Variants in ANKS1B observed in about 807,000 individuals in gnomAD.
ANKS1B encodes ankyrin repeat and sterile alpha motif domain-containing protein 1B.
Under a neutral mutation model 148.3 loss-of-function variants are expected in ANKS1B, and 36 were observed. The ratio of observed to expected loss-of-function variants is 0.24; its 90% CI spans 0.19 to 0.32. The LOEUF is 0.32. Among genes scored for constraint, ANKS1B ranks in the 10% least tolerant of loss-of-function variants. The pLI is 1.00. For synonymous variants in ANKS1B, 542 were observed against 560.8 expected, an observed-to-expected ratio of 0.97 and a Z score of 0.47; for missense variants, 1,157 against 1,542.6, an observed-to-expected ratio of 0.75 and a Z score of 4.19.
intron 14 of ANKS1B, among the ~76,000 whole-genome samples, chr12:99,192,916 T>C (rs2080923394): frequency 6.6e-6 from 1 of 152,124 alleles, no homozygotes; most frequent in African/African-American, 2.4e-5. Context: ...TATATAATAA[T>C]AACTTATGCT....
chr12:99,962,612 G>A (rs61941600), intron 1 of ANKS1B, among the ~76,000 whole-genome samples: 1 of 152,094 alleles, frequency 6.6e-6, no homozygotes, highest in Non-Finnish European at 1.5e-5. Context: ...CTAGATCCTT[G>A]AGGAATCACC....
intron 12 of ANKS1B, among the ~76,000 whole-genome samples, chr12:99,250,652 G>A (rs2074463812): frequency 6.6e-6 from 1 of 152,116 alleles, no homozygotes; most frequent in South Asian, 2.1e-4. Context: ...AGGATCATGA[G>A]CAATATTAAT....
intron 12 of ANKS1B, among the ~76,000 whole-genome samples, chr12:99,323,935 C>T (rs2085809951): frequency 6.6e-6 from 1 of 152,082 alleles, no homozygotes; most frequent in Non-Finnish European, 1.5e-5. Flanking sequence ...CCTCATTTAT[C>T]TCATTTGTTT....
intron 12 of ANKS1B, among the ~76,000 whole-genome samples, chr12:99,378,604 G>A (rs1249517902): frequency 7.0e-6 from 1 of 142,570 alleles, no homozygotes; most frequent in Non-Finnish European, 1.5e-5. Context: ...GCAGTGAGCC[G>A]AGATCACGCA....
chr12:99,904,582 C>G (rs1321623475), intron 1 of ANKS1B, among the ~76,000 whole-genome samples: 2 of 152,144 alleles, frequency 1.3e-5, no homozygotes, highest in Non-Finnish European at 2.9e-5. Flanking sequence ...CACCTATTTC[C>G]CTACTTGAGT....
chr12:99,046,995 A>C (rs1364459719), intron 17 of ANKS1B, among the ~76,000 whole-genome samples: 1 of 152,034 alleles, frequency 6.6e-6, no homozygotes, highest in Non-Finnish European at 1.5e-5. Flanking sequence ...GAGAGAAAAA[A>C]GACTGAAAAA....
intron 9 of ANKS1B, chr12:99,649,376 G>A (rs2098403270): frequency 1.2e-6 from 2 of 1,613,852 alleles, no homozygotes; most frequent in African/African-American, 2.7e-5. Flanking sequence ...TCCACCTATT[G>A]TGATTATACA....
chr12:99,181,880 T>C (rs147589407), intron 14 of ANKS1B, among the ~76,000 whole-genome samples: 79 of 152,192 alleles, frequency 5.2e-4, no homozygotes, highest in African/African-American at 1.8e-3. Flanking sequence ...AGTTACCCTG[T>C]TGTACTATCA....
At chr12:98,747,221 CA>C (rs1375263938) in intron 26 of ANKS1B, among the ~76,000 whole-genome samples, 1 of 151,702 alleles carries the variant, frequency 6.6e-6, no homozygotes, top group Non-Finnish European at 1.5e-5. Context: ...AACTCAATAG[CA>C]AAAAACAAAA....
chr12:99,577,738 A>G (rs1229921711), intron 9 of ANKS1B, among the ~76,000 whole-genome samples: 3 of 151,940 alleles, frequency 2.0e-5, no homozygotes, highest in African/African-American at 7.2e-5. Flanking sequence ...AAAAATAATA[A>G]ACCCTACCAA....
chr12:99,250,838 A>G (rs953227313), intron 12 of ANKS1B, among the ~76,000 whole-genome samples: 3 of 152,240 alleles, frequency 2.0e-5, no homozygotes, highest in African/African-American at 7.2e-5. Context: ...GAAATCATAG[A>G]ATAATAAATG....
At chr12:98,794,018 C>T (rs2098920528) in intron 22 of ANKS1B, among the ~76,000 whole-genome samples, 1 of 152,114 alleles carries the variant, frequency 6.6e-6, no homozygotes, top group African/African-American at 2.4e-5. Context: ...AACATAACAA[C>T]AACAACAAAC....
At chr12:99,866,885 C>T (rs1051249927) in intron 1 of ANKS1B, among the ~76,000 whole-genome samples, 2 of 152,044 alleles carry the variant, frequency 1.3e-5, no homozygotes, top group Non-Finnish European at 2.9e-5. Context: ...TCCTTGATTC[C>T]AACATCTCCA....
chr12:99,551,426 T>G (rs760831336), intron 9 of ANKS1B, among the ~76,000 whole-genome samples: 1 of 151,908 alleles, frequency 6.6e-6, no homozygotes, highest in South Asian at 2.1e-4. Context: ...ACTATGGAAC[T>G]ATGATCTCCA....
intron 15 of ANKS1B, among the ~76,000 whole-genome samples, chr12:99,117,660 T>G (rs1453579651): frequency 6.6e-6 from 1 of 152,218 alleles, no homozygotes; most frequent in East Asian, 1.9e-4. Flanking sequence ...GAAATTTTAT[T>G]TTCTTGTTGG....
intron 8 of ANKS1B, among the ~76,000 whole-genome samples, chr12:99,704,571 T>TACAC (rs57979625): frequency 6.6e-6 from 1 of 150,850 alleles, no homozygotes; most frequent in Non-Finnish European, 1.5e-5. Context: ...CACATACATA[T>TACAC]ACACACACAC....
intron 4 of ANKS1B, among the ~76,000 whole-genome samples, chr12:99,796,102 TA>T (rs1481343943): frequency 5.9e-5 from 9 of 151,944 alleles, no homozygotes; most frequent in Non-Finnish European, 8.8e-5. Context: ...CATTATTAAG[TA>T]AAATATGGGT....
At chr12:98,943,274 T>C (rs1567921224) in intron 17 of ANKS1B, among the ~76,000 whole-genome samples, 1 of 152,238 alleles carries the variant, frequency 6.6e-6, no homozygotes, top group African/African-American at 2.4e-5. Flanking sequence ...TCTGAGGATG[T>C]TCCAAACTCA....
intron 14 of ANKS1B, among the ~76,000 whole-genome samples, chr12:99,171,442 A>G (rs1420185810): frequency 6.6e-6 from 1 of 152,226 alleles, no homozygotes; most frequent in Non-Finnish European, 1.5e-5. Context: ...CTATAGGTCA[A>G]CAAAGTTCTG....
Sources: allele counts gnomAD v4.1 joint callset (sites outside exome capture counted in the v4.1 genomes callset), GRCh38; gene constraint gnomAD v4.1.1; transcripts MANE v1.5; gene names NCBI Gene and HGNC (gene_info 2026-07-23, HGNC 2026-07-21).